Variants in UNKL observed in about 807,000 individuals in gnomAD.
The protein encoded by UNKL is putative E3 ubiquitin-protein ligase UNKL.
In UNKL, 60 loss-of-function variants were observed where a neutral mutation model predicts 78.0. That is an observed-to-expected ratio of 0.77 (90% confidence interval 0.63 to 0.95). UNKL has a LOEUF of 0.95. Ranked by LOEUF, UNKL falls within the 40% of genes least tolerant of loss-of-function variation. The pLI, the probability that UNKL is intolerant of heterozygous loss-of-function variation, is 0.00. For missense variants in UNKL, 1,159 were observed against 1,045.7 expected, an observed-to-expected ratio of 1.11 and a Z score of -1.49; for synonymous variants, 608 against 474.8, an observed-to-expected ratio of 1.28 and a Z score of -3.65.
rs1208231536 is a variant in UNKL, at chr16:1,367,812, G to T, written c.1632C>A (p.Ser544Arg). 5 of 1,575,922 alleles carry T rather than the reference G, an allele frequency of 3.2e-6. No individual in the cohort carries two copies. In the South Asian group the frequency reaches 4.7e-5, roughly 15 times the overall value. Reference sequence around the variant, plus strand: ...GGATGGGGGAGGGGCTGGGGGAGAAGCTGCCGGAAACAAAGTCCCAGATGC... The same window carrying T: ...GGATGGGGGAGGGGCTGGGGGAGAATCTGCCGGAAACAAAGTCCCAGATGC... The part of the protein sequence containing the change: ...PGSIWDFVSG[S>R]FSPSPSPILS... The change falls in exon 13 of 15, where the codon AGC (serine) becomes AGA (arginine). Residue 544 changes from serine (S) to arginine (R), a missense_variant. Physicochemically the swap from Ser to Arg is moderately radical, Grantham distance 110. Coordinates refer to ENST00000389221, the MANE Select transcript of UNKL (RefSeq NM_001372107.1).
intron 2 of UNKL, among the ~76,000 whole-genome samples, chr16:1,408,260 G>GCC (rs35934973): frequency 0.012 from 1,755 of 150,274 alleles, 10 homozygotes; most frequent in Non-Finnish European, 0.015. Context: ...CATGGGAGCT[G>GCC]CCCCCCCCCC....
intron 8 of UNKL, among the ~76,000 whole-genome samples, chr16:1,392,445 TTTTG>T (rs1376461908): frequency 6.6e-6 from 1 of 151,010 alleles, no homozygotes; most frequent in Admixed American, 6.6e-5. Flanking sequence ...CCCCCTCTTT[TTTTG>T]TTTGAGATGG....
At chr16:1,398,973 C>A (rs1336036823) in intron 5 of UNKL, 2 of 1,506,600 alleles carry the variant, frequency 1.3e-6, no homozygotes, top group South Asian at 1.3e-5. Context: ...CAGGTGACGA[C>A]AGTGCCTGAG....
chr16:1,410,872 G>A (rs2038010095), intron 2 of UNKL, among the ~76,000 whole-genome samples: 1 of 152,198 alleles, frequency 6.6e-6, no homozygotes, highest in Non-Finnish European at 1.5e-5. Context: ...CCGCCTTGAA[G>A]TACATCACCA....
chr16:1,378,928 G>C (rs1312314664), intron 10 of UNKL: 2 of 152,396 alleles, frequency 1.3e-5, no homozygotes, highest in Admixed American at 1.3e-4. Context: ...CTGTTTCAAG[G>C]TTAGACCCAG....
At chr16:1,402,762 A>C (rs1346324791) in intron 3 of UNKL, among the ~76,000 whole-genome samples, 1 of 151,970 alleles carries the variant, frequency 6.6e-6, no homozygotes, top group African/African-American at 2.4e-5. Context: ...ACGTGGGTGG[A>C]TCACAAGGTC....
rs142115515 is a variant in UNKL at position 1,367,710 on chromosome 16, G to A, written c.1734C>T (p.Asp578=). 18 of 1,581,186 alleles carry A rather than the reference G, an allele frequency of 1.1e-5. No homozygotes were observed. Among genetic ancestry groups the A allele is most frequent in the Middle Eastern group, 1.7e-4 (1 of 6,046 alleles). ...AELARVRRQL[D]EAKRKIRQWE... ...ACTGCCGGATCTTCCTCTTGGCCTC[G>A]TCCAGCTGCCGCCTGACCCGGGCCA... The change falls in exon 13 of 15, where the codon GAC becomes GAT. Residue 578 remains aspartate (D), a synonymous_variant. Coordinates refer to ENST00000389221, the MANE Select transcript of UNKL (RefSeq NM_001372107.1).
intron 2 of UNKL, among the ~76,000 whole-genome samples, chr16:1,413,283 G>T (rs903666146): frequency 1.0e-4 from 13 of 129,306 alleles, no homozygotes; most frequent in Non-Finnish European, 1.2e-4. Flanking sequence ...AAAAAAAAAA[G>T]TGGGGCCGGG....
At position 1,385,267 on chromosome 16, in the gene UNKL, G is replaced by A. The variant is rs1375437150; in HGVS notation, c.1205C>T (p.Ala402Val). Reference protein sequence around the residue: ...SGSSSPTALPAPPARALPLGP... With the variant: ...SGSSSPTALPVPPARALPLGP... Reference sequence around the variant, plus strand: ...GAGCGGGAGGGCACGGGCGGGGGGCGCGGGCAGCGCAGTGGGGGAGGAGCT... The same window carrying A: ...GAGCGGGAGGGCACGGGCGGGGGGCACGGGCAGCGCAGTGGGGGAGGAGCT... Residue 402 changes from alanine (A) to valine (V), a missense_variant, in exon 10 of 15, where the codon GCG (alanine) becomes GTG (valine). Transcript: ENST00000389221. The A allele has an allele frequency of 1.4e-5, 19 of 1,335,662 alleles. No homozygotes were observed. The highest frequency in any genetic ancestry group is 8.1e-5 in the Admixed American group (2 of 24,784). The allele number at this position is 1,335,662 out of a possible 1,614,324, so 82.7% of individuals were successfully genotyped here. A position where few individuals can be genotyped will look rare whatever the true frequency, so the allele number is the denominator to read the frequency against.
rs2035349807 is a variant in UNKL at position 1,367,221 on chromosome 16, C to T, written c.1917G>A (p.Glu639=). 6.2e-7 allele frequency: 1 copy of T among 1,602,848 alleles called. No individual in the cohort carries two copies. The highest frequency in any genetic ancestry group is 8.5e-7 in the Non-Finnish European group (1 of 1,177,404). The change falls in exon 14 of 15, where the codon GAG becomes GAA. Residue 639 remains glutamate (E), a synonymous_variant. Transcript: ENST00000389221. ...VEAQVKQLQE[E]LEGLGVASTL... Reference sequence around the variant, plus strand: ...TGGAGGCTACGCCCAGGCCCTCCAGCTCCTCCTGCAGCTGCTTCACCTGTG... The same window carrying T: ...TGGAGGCTACGCCCAGGCCCTCCAGTTCCTCCTGCAGCTGCTTCACCTGTG...
Position 1,403,792 on chromosome 16 carries a change from C to T in UNKL, c.288-448G>A, listed in dbSNP as rs2037634106. 6.6e-6 allele frequency among the ~76,000 whole-genome samples: 1 copy of T among 152,164 alleles called. No individual in the cohort carries two copies. The highest frequency in any genetic ancestry group is 2.4e-5 in the African/African-American group (1 of 41,436). ...CTCCTGCCCAGCGTCCTGCTGCTTT[C>T]AGGGACCCCAGGAGGGAGGTAGGGG... is the stretch of plus-strand genomic sequence containing the variant. On this transcript the variant is annotated intron_variant, in intron 2 of 14. Coordinates refer to ENST00000389221, the MANE Select transcript of UNKL (RefSeq NM_001372107.1). This position sits in a 1 kb window ranked among gnomAD's most constrained non-coding sequence, Gnocchi z 4.8.
At chr16:1,395,165 ATTTTT>A (rs35706255) in intron 6 of UNKL, among the ~76,000 whole-genome samples, 1 of 105,530 alleles carries the variant, frequency 9.5e-6, no homozygotes, top group Admixed American at 1.0e-4. Flanking sequence ...CGGTCTGTTC[ATTTTT>A]TTTTTTTTTT....
chr16:1,387,316 C>T lies in UNKL; in HGVS notation c.1087-1931G>A, dbSNP rs887297178. On this transcript the variant is annotated intron_variant, in intron 9 of 14. Transcript: ENST00000389221. The surrounding 1 kb of genome is among the most constrained non-coding windows in gnomAD (Gnocchi z 4.1). Reference sequence around the variant, plus strand: ...ACAGGGTTGCTGGAAGCCTCATGTTCTCCAGCAAGCAGCCCAGAAACACTA... The same window carrying T: ...ACAGGGTTGCTGGAAGCCTCATGTTTTCCAGCAAGCAGCCCAGAAACACTA... 6.6e-6 allele frequency among the ~76,000 whole-genome samples: 1 copy of T among 152,216 alleles called. No homozygotes were observed. The highest frequency in any genetic ancestry group is 2.4e-5 in the African/African-American group (1 of 41,456).
At chr16:1,367,914 G>A (rs2035444682) in intron 12 of UNKL, 56 bp from the exon 13 acceptor site, 1 of 1,465,516 alleles carries the variant, frequency 6.8e-7, no homozygotes, top group Non-Finnish European at 9.2e-7. Flanking sequence ...GGCCTGGTGG[G>A]ATTGGTGGGT....
intron 9 of UNKL, 117 bp from the exon 10 acceptor site, chr16:1,385,502 G>A: frequency 9.1e-7 from 1 of 1,101,524 alleles, no homozygotes; most frequent in South Asian, 3.2e-5. Flanking sequence ...CCCTGGCGAG[G>A]CCCAGGGAGA....
chr16:1,395,871 GACA>G (rs990812225), intron 6 of UNKL: 2 of 419,728 alleles, frequency 4.8e-6, no homozygotes, highest in Admixed American at 2.5e-5. Context: ...GCGCGTCTGT[GACA>G]ACATGAGTCA....
intron 12 of UNKL, among the ~76,000 whole-genome samples, chr16:1,369,393 G>C (rs1596647176): frequency 6.7e-6 from 1 of 148,716 alleles, no homozygotes; most frequent in Non-Finnish European, 1.5e-5. Context: ...TTTTGAGATG[G>C]AGTTTCACTC....
chr16:1,390,593 A>C (rs1436830483), intron 9 of UNKL, 39 bp downstream of exon 9: 1 of 1,533,570 alleles, frequency 6.5e-7, no homozygotes, highest in Non-Finnish European at 8.7e-7. Flanking sequence ...CCCTAACGCG[A>C]CATCAGGCAC....
At chr16:1,368,684 T>C (rs894120863) in intron 12 of UNKL, among the ~76,000 whole-genome samples, 10 of 149,796 alleles carry the variant, frequency 6.7e-5, no homozygotes, top group African/African-American at 2.5e-4. Context: ...GCAGATCACT[T>C]GAGGTCAGGA....
Sources: gnomAD v4.1 joint callset for allele counts (sites outside exome capture counted in the v4.1 genomes callset) on GRCh38, gnomAD v4.1.1 for gene constraint, Gnocchi (gnomAD v3.1) non-coding constraint, MANE v1.5 for transcripts, NCBI Gene and HGNC (gene_info 2026-07-23, HGNC 2026-07-21) for gene names.